Variants in MECR observed in about 807,000 individuals in gnomAD.
MECR encodes the protein enoyl-[acyl-carrier-protein] reductase, mitochondrial.
Under a neutral mutation model 49.1 loss-of-function variants are expected in MECR, and 37 were observed. The ratio of observed to expected loss-of-function variants is 0.75; its 90% CI spans 0.58 to 0.99. MECR has a LOEUF of 0.99. Among genes scored for constraint, MECR ranks in the 50% least tolerant of loss-of-function variants. MECR has a pLI of 0.00. For synonymous variants in MECR, 198 were observed against 191.1 expected, an observed-to-expected ratio of 1.04 and a Z score of -0.30; for missense variants, 470 against 479.6, an observed-to-expected ratio of 0.98 and a Z score of 0.19.
At chr1:29,177,289 T>G in the MECR span, among the ~76,000 whole-genome samples, 6 of 151,718 alleles carry the variant, frequency 4.0e-5, no homozygotes, top group Admixed American at 2.6e-4. Context: ...TTTTGTTTTT[T>G]TTTTTTTTTG....
At chr1:29,187,065 C>G in the MECR span, among the ~76,000 whole-genome samples, 30 of 152,332 alleles carry the variant, frequency 2.0e-4, no homozygotes, top group South Asian at 2.1e-4. Context: ...CAGGACTGAG[C>G]CTTCTCTTCT....
intron 9 of MECR, 93 bp from the exon 10 acceptor site, chr1:29,194,272 CA>C: frequency 7.2e-7 from 1 of 1,380,032 alleles, no homozygotes; most frequent in Non-Finnish European, 9.8e-7. Flanking sequence ...GAGCTGGCAC[CA>C]AGCTCCAATA....
the MECR span, among the ~76,000 whole-genome samples, chr1:29,185,057 C>T: frequency 3.3e-5 from 5 of 151,688 alleles, no homozygotes; most frequent in Non-Finnish European, 7.4e-5. Context: ...ACCCAGGAGG[C>T]GGAGGCTGCA....
At position 29,206,695 on chromosome 1, in the gene MECR, G is replaced by A. The variant is rs556737385; in HGVS notation, c.550+67C>T. 9 of 1,573,844 alleles carry A rather than the reference G, an allele frequency of 5.7e-6. No individual in the cohort carries two copies. The South Asian group carries it at 1.0e-4, about 18-fold the overall frequency. ...ACCTTGCAAGTTCTCCTGGCCTTGG[G>A]GTCAGGATGTGAGTGGCACCCTAGT... On this transcript the variant is annotated intron_variant, in intron 4 of 9. Transcript: ENST00000263702.
rs772421462 is a variant in MECR, at chr1:29,230,760, C to A, written c.147G>T (p.Gly49=). 4.0e-5 allele frequency: 64 copies of A among 1,593,686 alleles called. No individual in the cohort carries two copies. Among genetic ancestry groups the A allele is most frequent in the Non-Finnish European group, 5.3e-5 (62 of 1,170,676 alleles). Reference sequence around the variant, plus strand: ...CGACCTTGGCTGGATCCCCGTGGTGCCCATAGACAAGCGCCCGGACCCGGG... The same window carrying A: ...CGACCTTGGCTGGATCCCCGTGGTGACCATAGACAAGCGCCCGGACCCGGG... ...EPARVRALVY[G]HHGDPAKVVE... The change falls in exon 1 of 10, where the codon GGG becomes GGT. Residue 49 remains glycine, a synonymous_variant. Coordinates refer to ENST00000263702, the MANE Select transcript of MECR (RefSeq NM_016011.5).
chr1:29,210,319 A>G (rs567669386), intron 3 of MECR, among the ~76,000 whole-genome samples: 2 of 152,156 alleles, frequency 1.3e-5, no homozygotes, highest in African/African-American at 4.8e-5. Flanking sequence ...GCCCAGGAAC[A>G]CTTTTTATAG....
the MECR span, chr1:29,169,717 AC>A: frequency 6.6e-6 from 1 of 152,222 alleles, no homozygotes; most frequent in Non-Finnish European, 1.5e-5. Context: ...TGATGAACTA[AC>A]CAAACTCAAG....
the MECR span, among the ~76,000 whole-genome samples, chr1:29,178,518 T>A: frequency 2.0e-3 from 304 of 152,008 alleles, 1 homozygote; most frequent in South Asian, 5.0e-3. Context: ...TACTTTTTTT[T>A]AATTTTTATT....
chr1:29,191,507 C>T (rs1673132356), downstream of MECR, among the ~76,000 whole-genome samples: 1 of 152,126 alleles, frequency 6.6e-6, no homozygotes, highest in South Asian at 2.1e-4. Flanking sequence ...CCTAAAGAAC[C>T]TAATCTTAAT....
At chr1:29,179,543 C>T in the MECR span, among the ~76,000 whole-genome samples, 2 of 151,994 alleles carry the variant, frequency 1.3e-5, no homozygotes, top group Non-Finnish European at 2.9e-5. Context: ...AAATTTTTTT[C>T]TTAGAGATGG....
the MECR span, among the ~76,000 whole-genome samples, chr1:29,178,620 T>C: frequency 6.6e-6 from 1 of 152,136 alleles, no homozygotes; most frequent in African/African-American, 2.4e-5. Context: ...CCTCCCAAAG[T>C]GCTGGGATTA....
the MECR span, among the ~76,000 whole-genome samples, chr1:29,180,086 C>T: frequency 6.6e-6 from 1 of 152,218 alleles, no homozygotes; most frequent in African/African-American, 2.4e-5. Context: ...CATTTATTAT[C>T]TCTAATCTTC....
intron 8 of MECR, 67 bp downstream of exon 8, chr1:29,196,131 A>G: frequency 1.2e-6 from 2 of 1,603,880 alleles, no homozygotes; most frequent in Non-Finnish European, 1.7e-6. Flanking sequence ...CTGTCGTGCC[A>G]GGGGATGTGG....
At position 29,192,935 on chromosome 1, in the gene MECR, T is replaced by C. The variant is rs1292538557; in HGVS notation, c.*1087A>G. On this transcript the variant is annotated 3_prime_UTR_variant, in exon 10 of 10. Coordinates refer to ENST00000263702, the MANE Select transcript of MECR (RefSeq NM_016011.5). ...TCAACGACCTCATGAACATTGAACATTTGGGGCTAGATTTTTTTTTTTTTT... is the reference window on the plus strand; with the variant it reads ...TCAACGACCTCATGAACATTGAACACTTGGGGCTAGATTTTTTTTTTTTTT... 1 of 148,472 alleles carries C rather than the reference T, an allele frequency of 6.7e-6. No homozygotes were observed. Among genetic ancestry groups the C allele is most frequent in the Non-Finnish European group, 1.5e-5 (1 of 67,182 alleles). 9.2% of individuals were successfully genotyped at this position (148,472 alleles called of 1,614,324 possible).
chr1:29,185,983 C>T, the MECR span, among the ~76,000 whole-genome samples: 1 of 152,118 alleles, frequency 6.6e-6, no homozygotes, highest in Non-Finnish European at 1.5e-5. Flanking sequence ...GAGACCCCAT[C>T]ACATGCACAC....
At position 29,193,843 on chromosome 1, in the gene MECR, A is replaced by G. The variant is rs1490111183; in HGVS notation, c.*179T>C. The G allele has an allele frequency of 2.9e-6, 2 of 683,216 alleles. No homozygotes were observed. Among genetic ancestry groups the G allele is most frequent in the Non-Finnish European group, 4.9e-6 (2 of 412,012 alleles). The allele number at this position is 683,216 out of a possible 1,614,324, so 42.3% of individuals were successfully genotyped here. A position where few individuals can be genotyped will look rare whatever the true frequency, so the allele number is the denominator to read the frequency against. On this transcript the variant is annotated 3_prime_UTR_variant, in exon 10 of 10. Transcript: ENST00000263702. ...TTTTGGAAGGGAGAGTTCAGACTTT[A>G]TTAGATACCTTAAGGCTGGCCCTGG...
At chr1:29,202,107 GACCTCT>G in intron 5 of MECR, 62 bp from the exon 6 acceptor site, 2 of 1,388,946 alleles carry the variant, frequency 1.4e-6, no homozygotes, top group Non-Finnish European at 2.0e-6. Context: ...AGCCCCCCAG[GACCTCT>G]CTGCCACAGC....
At chr1:29,194,235 T>G in intron 9 of MECR, 56 bp from the exon 10 acceptor site, 1 of 1,545,240 alleles carries the variant, frequency 6.5e-7, no homozygotes, top group Non-Finnish European at 8.7e-7. Context: ...CTTGGTGAGA[T>G]GTGGCACGGG....
At chr1:29,182,140 A>C in the MECR span, among the ~76,000 whole-genome samples, 1 of 152,182 alleles carries the variant, frequency 6.6e-6, no homozygotes, top group East Asian at 1.9e-4. Context: ...CTCCCCCGGA[A>C]GTGTCCGCAC....
Sources: allele counts gnomAD v4.1 joint callset (sites outside exome capture counted in the v4.1 genomes callset), GRCh38; gene constraint gnomAD v4.1.1; transcripts MANE v1.5; gene names NCBI Gene and HGNC (gene_info 2026-07-23, HGNC 2026-07-21).